The following TPX2 variants were observed in gnomAD, a reference collection of about 807,000 sequenced individuals.
TPX2 encodes targeting protein for Xklp2.
TPX2 carries 21 observed loss-of-function variants against 93.6 expected under a neutral mutation model. The observed-to-expected ratio is 0.22, with a 90% CI of 0.16 to 0.32. The LOEUF (loss-of-function observed/expected upper bound fraction) is 0.32, where lower values mean the gene tolerates loss of function less well. TPX2 is among the 10% of genes least tolerant of loss of function. TPX2 has a pLI of 1.00. For missense variants in TPX2, 776 were observed against 871.1 expected (o/e 0.89, Z 1.37); for synonymous variants, 281 against 298.3 (o/e 0.94, Z 0.60).
chr20:31,747,086 C>G (rs1173273613), intron 2 of TPX2, among the ~76,000 whole-genome samples: 1 of 152,100 alleles, frequency 6.6e-6, no homozygotes, highest in African/African-American at 2.4e-5. Context: ...TTTGCATTCC[C>G]CCATTCAATT....
intron 5 of TPX2, among the ~76,000 whole-genome samples, chr20:31,768,243 CT>C (rs1325581709): frequency 4.8e-4 from 58 of 120,738 alleles, no homozygotes; most frequent in Admixed American, 6.0e-4. Flanking sequence ...ACATGCCATC[CT>C]TTTTTTTTTT....
intron 6 of TPX2, among the ~76,000 whole-genome samples, chr20:31,770,783 T>A (rs755083564): frequency 2.0e-5 from 3 of 152,196 alleles, no homozygotes; most frequent in Non-Finnish European, 2.9e-5. Context: ...TAAGAATGTA[T>A]TTTGCTGCAA....
intron 4 of TPX2, among the ~76,000 whole-genome samples, chr20:31,761,197 ATTTTTTTTTTT>A (rs764823436): frequency 7.7e-6 from 1 of 130,690 alleles, no homozygotes; most frequent in Non-Finnish European, 1.6e-5. Flanking sequence ...CCTTCAATTA[ATTTTTTTTTTT>A]TTTTTTTTTT....
chr20:31,752,613 CTTTTTTTTCT>C (rs1055005345), intron 2 of TPX2, among the ~76,000 whole-genome samples: 1 of 151,890 alleles, frequency 6.6e-6, no homozygotes, highest in Non-Finnish European at 1.5e-5. Flanking sequence ...ACTACATCTA[CTTTTTTTTCT>C]TTTTTTTTGA....
At chr20:31,781,350 C>T (rs1290618899) in intron 10 of TPX2, among the ~76,000 whole-genome samples, 1 of 149,916 alleles carries the variant, frequency 6.7e-6, no homozygotes, top group Non-Finnish European at 1.5e-5. Context: ...ACTGCATGCT[C>T]CGCCTTCCAG....
At chr20:31,792,900 TTAATCTTAATGGAGTTCAAAGG>T (rs1253032729) in intron 13 of TPX2, 70 bp downstream of exon 13, 2 of 1,413,726 alleles carry the variant, frequency 1.4e-6, no homozygotes, top group African/African-American at 2.8e-5. Context: ...TTATCATTTA[TTAATCTTAATGGAGTTCAAAGG>T]CAACCACTCT....
intron 16 of TPX2, 44 bp from the exon 17 acceptor site, chr20:31,798,321 A>T (rs1414372716): frequency 1.2e-6 from 2 of 1,612,574 alleles, no homozygotes; most frequent in Admixed American, 1.7e-5. Flanking sequence ...AGGTTTATGC[A>T]AGTCCTGCTT....
At chr20:31,793,766 A>T in intron 13 of TPX2, 82 bp from the exon 14 acceptor site, 1 of 1,308,514 alleles carries the variant, frequency 7.6e-7, no homozygotes, top group Non-Finnish European at 1.0e-6. Flanking sequence ...CCACATATTA[A>T]TATAATGTCT....
rs1568615588 is a variant in TPX2, at chr20:31,801,050, T to G, written c.2214T>G (p.Ser738=). ...ACCAGCCTCTGACTGTGCCTGTATCTCCCAAATTCTCCACTCGATTCCACT... is the reference window on the plus strand; with the variant it reads ...ACCAGCCTCTGACTGTGCCTGTATCGCCCAAATTCTCCACTCGATTCCACT... The part of the protein sequence containing the change: ...SSDQPLTVPV[S]PKFSTRFHC The change falls in exon 18 of 18, where the codon TCT becomes TCG. Residue 738 remains serine (S), a synonymous_variant. Transcript: ENST00000300403. 5 of 1,614,202 alleles carry G rather than the reference T, an allele frequency of 3.1e-6. No homozygotes were observed. Among genetic ancestry groups the G allele is most frequent in the Non-Finnish European group, 4.2e-6 (5 of 1,180,024 alleles).
At position 31,794,549 on chromosome 20, in the gene TPX2, G is replaced by A; in HGVS notation, c.1833+1G>A. 6.2e-7 allele frequency: 1 copy of A among 1,613,720 alleles called. No homozygotes were observed. The highest frequency in any genetic ancestry group is 8.5e-7 in the Non-Finnish European group (1 of 1,179,920). ...GAAGGCACAGACTTGGAAGCACCAG[G>A]TAGGGGATGGGGAGAGCAGCCAAAA... On this transcript the variant is annotated splice_donor_variant, in intron 15 of 17. Transcript: ENST00000300403. LOFTEE classifies it high-confidence loss of function.
At chr20:31,786,192 C>A (rs2062064731) in intron 12 of TPX2, among the ~76,000 whole-genome samples, 2 of 151,986 alleles carry the variant, frequency 1.3e-5, no homozygotes, top group South Asian at 4.1e-4. Flanking sequence ...AAATAACTTG[C>A]CCAAAATCAC....
chr20:31,754,178 C>T (rs1428309313), intron 2 of TPX2, among the ~76,000 whole-genome samples: 1 of 152,066 alleles, frequency 6.6e-6, no homozygotes, highest in African/African-American at 2.4e-5. Context: ...TGGCTCACTG[C>T]AGCCTCCCGG....
chr20:31,773,442 T>C (rs2061976911), intron 7 of TPX2, among the ~76,000 whole-genome samples: 1 of 151,608 alleles, frequency 6.6e-6, no homozygotes, highest in African/African-American at 2.4e-5. Context: ...TGAGCCACCA[T>C]GCCTGGCCCC....
chr20:31,755,627 G>T (rs2061847106), intron 2 of TPX2, among the ~76,000 whole-genome samples: 1 of 151,982 alleles, frequency 6.6e-6, no homozygotes, highest in South Asian at 2.1e-4. Flanking sequence ...GCAAGGTGTG[G>T]CTGTGGGCGC....
intron 2 of TPX2, among the ~76,000 whole-genome samples, chr20:31,744,603 G>A (rs955135335): frequency 6.6e-6 from 1 of 152,028 alleles, no homozygotes; most frequent in African/African-American, 2.4e-5. Flanking sequence ...CGTGATCACA[G>A]CTCACTGCAG....
intron 7 of TPX2, among the ~76,000 whole-genome samples, chr20:31,772,074 G>A (rs1055508454): frequency 3.4e-5 from 5 of 148,384 alleles, no homozygotes; most frequent in African/African-American, 1.3e-4. Flanking sequence ...AGGCTGGAGT[G>A]CAGTGGCATG....
intron 2 of TPX2, among the ~76,000 whole-genome samples, chr20:31,750,502 G>A (rs2061813062): frequency 6.7e-6 from 1 of 149,776 alleles, no homozygotes; most frequent in Non-Finnish European, 1.5e-5. Context: ...TTATGAGACG[G>A]AGTCTCACAC....
rs529627095 is a variant in TPX2 at position 31,763,544 on chromosome 20, T to TAG, written c.230-3003_230-3002dup. On this transcript the variant is annotated intron_variant, in intron 4 of 17. Coordinates refer to ENST00000300403, the MANE Select transcript of TPX2 (RefSeq NM_012112.5). Reference sequence around the variant, plus strand: ...TTTTCTTTCCATTTGTTCCATCAATTAGAGAGAGAGGTAGTGAAATCTCAG... The same window carrying TAG: ...TTTTCTTTCCATTTGTTCCATCAATTAGAGAGAGAGAGGTAGTGAAATCTCAG... 8.5e-5 allele frequency among the ~76,000 whole-genome samples: 13 copies of TAG among 152,182 alleles called. No individual in the cohort carries two copies. The South Asian group carries it at 1.5e-3, about 17-fold the overall frequency.
chr20:31,755,016 T>G (rs1023892346), intron 2 of TPX2, among the ~76,000 whole-genome samples: 4 of 152,186 alleles, frequency 2.6e-5, no homozygotes, highest in African/African-American at 9.7e-5. Flanking sequence ...TGGCGTGATC[T>G]TGGCTCACTG....
Sources: allele counts gnomAD v4.1 joint callset (sites outside exome capture counted in the v4.1 genomes callset), GRCh38; gene constraint gnomAD v4.1.1; transcripts MANE v1.5; gene names NCBI Gene and HGNC (gene_info 2026-07-23, HGNC 2026-07-21).